Variants in DOCK3 observed in about 807,000 individuals in gnomAD.
The protein encoded by DOCK3 is dedicator of cytokinesis protein 3.
DOCK3 carries 60 observed loss-of-function variants against 265.6 expected under a neutral mutation model. That is an observed-to-expected ratio of 0.23 (90% CI 0.18 to 0.28). The LOEUF (loss-of-function observed/expected upper bound fraction) is 0.28, where lower values mean the gene tolerates loss of function less well. DOCK3 is among the 10% of genes least tolerant of loss of function. DOCK3 has a pLI of 1.00. For missense variants in DOCK3, 1,981 were observed against 2,594.3 expected, an observed-to-expected ratio of 0.76 and a Z score of 5.14; for synonymous variants, 881 against 938.0, an observed-to-expected ratio of 0.94 and a Z score of 1.11.
intron 1 of DOCK3, among the ~76,000 whole-genome samples, chr3:50,714,436 G>A (rs1283229921): frequency 1.3e-5 from 2 of 152,232 alleles, no homozygotes; most frequent in African/African-American, 4.8e-5. Flanking sequence ...GTAACCTGCT[G>A]TTCTTGCAGA....
intron 12 of DOCK3, among the ~76,000 whole-genome samples, chr3:51,180,458 A>G (rs547980096): frequency 6.6e-6 from 1 of 152,278 alleles, no homozygotes; most frequent in African/African-American, 2.4e-5. Context: ...GTAGGGAAGA[A>G]TGTATTGTTT....
chr3:51,163,820 A>G (rs1384317011), intron 12 of DOCK3, among the ~76,000 whole-genome samples: 1 of 152,198 alleles, frequency 6.6e-6, no homozygotes, highest in East Asian at 1.9e-4. Context: ...ATTATAAAAT[A>G]TGTATTACAA....
intron 4 of DOCK3, among the ~76,000 whole-genome samples, chr3:50,901,875 A>G (rs189644681): frequency 6.6e-6 from 1 of 152,262 alleles, no homozygotes; most frequent in East Asian, 1.9e-4. Context: ...CACCTTATGC[A>G]TTGATGTCGC....
intron 2 of DOCK3, chr3:50,787,446 A>G (rs1179252429): frequency 7.1e-6 from 3 of 423,988 alleles, no homozygotes; most frequent in Non-Finnish European, 1.3e-5. Context: ...GAGGCAGGAG[A>G]ATCGCTTGAA....
At chr3:51,191,755 C>T (rs1269177493) in intron 12 of DOCK3, among the ~76,000 whole-genome samples, 2 of 151,888 alleles carry the variant, frequency 1.3e-5, no homozygotes, top group African/African-American at 2.4e-5. Context: ...GTGGAAGAGA[C>T]GTGCTGACAC....
At chr3:51,199,110 C>T (rs1560196341) in intron 12 of DOCK3, among the ~76,000 whole-genome samples, 1 of 152,174 alleles carries the variant, frequency 6.6e-6, no homozygotes, top group Non-Finnish European at 1.5e-5. Flanking sequence ...GCGTCAGCGA[C>T]ACAGAAGACG....
At chr3:51,138,500 C>A (rs2084908616) in intron 9 of DOCK3, among the ~76,000 whole-genome samples, 1 of 152,172 alleles carries the variant, frequency 6.6e-6, no homozygotes, top group South Asian at 2.1e-4. Context: ...ACTGTGAGAA[C>A]TAAACTTAAG....
chr3:51,232,154 A>C (rs563911971), intron 19 of DOCK3, among the ~76,000 whole-genome samples: 176 of 151,734 alleles, frequency 1.2e-3, no homozygotes, highest in Non-Finnish European at 1.8e-3. Flanking sequence ...TTTTATAGTT[A>C]TTGGGATACA....
At chr3:51,017,904 C>A (rs934654203) in intron 5 of DOCK3, among the ~76,000 whole-genome samples, 1 of 151,636 alleles carries the variant, frequency 6.6e-6, no homozygotes, top group African/African-American at 2.4e-5. Context: ...TTTTCTTTTT[C>A]TTTTTTTAGA....
At chr3:50,815,679 A>G (rs1434368746) in intron 2 of DOCK3, among the ~76,000 whole-genome samples, 1 of 151,244 alleles carries the variant, frequency 6.6e-6, no homozygotes, top group East Asian at 1.9e-4. Context: ...CTCATGCTTT[A>G]TTGATAATTT....
intron 3 of DOCK3, among the ~76,000 whole-genome samples, chr3:50,871,690 A>G (rs559289090): frequency 6.6e-6 from 1 of 152,046 alleles, no homozygotes; most frequent in East Asian, 1.9e-4. Context: ...AAAACCTGTC[A>G]TCTTGCTTGT....
intron 14 of DOCK3, among the ~76,000 whole-genome samples, chr3:51,220,738 A>G (rs2090058835): frequency 7.2e-6 from 1 of 138,326 alleles, no homozygotes; most frequent in Non-Finnish European, 1.5e-5. Flanking sequence ...TATATAAAAT[A>G]CTTGAACCCA....
intron 32 of DOCK3, among the ~76,000 whole-genome samples, chr3:51,315,880 AC>A (rs942808017): frequency 6.6e-6 from 1 of 152,132 alleles, no homozygotes; most frequent in African/African-American, 2.4e-5. Flanking sequence ...TGGGAATTGT[AC>A]CAGTTCCCCA....
At chr3:51,247,274 ACTGTGGCCTTAGGAAGAAC>A (rs1436183709) in intron 22 of DOCK3, among the ~76,000 whole-genome samples, 5 of 152,188 alleles carry the variant, frequency 3.3e-5, no homozygotes, top group African/African-American at 9.7e-5. Flanking sequence ...GAATCTTAAA[ACTGTGGCCTTAGGAAGAAC>A]CTGTGGTCTT....
intron 7 of DOCK3, among the ~76,000 whole-genome samples, chr3:51,088,623 A>G (rs1443554292): frequency 6.6e-6 from 1 of 152,204 alleles, no homozygotes; most frequent in East Asian, 1.9e-4. Context: ...TAACTTCTAT[A>G]TCATAGTGAT....
At chr3:51,009,678 CTTT>C (rs1361400652) in intron 5 of DOCK3, among the ~76,000 whole-genome samples, 1 of 152,112 alleles carries the variant, frequency 6.6e-6, no homozygotes, top group Non-Finnish European at 1.5e-5. Context: ...TGTGTTTGCT[CTTT>C]TTTCTCTAGT....
intron 5 of DOCK3, among the ~76,000 whole-genome samples, chr3:50,981,391 G>T (rs905213988): frequency 6.6e-6 from 1 of 152,172 alleles, no homozygotes; most frequent in African/African-American, 2.4e-5. Context: ...CTAGCCTAGA[G>T]AATGTTATAT....
chr3:50,738,882 A>G (rs1188178201), intron 1 of DOCK3, among the ~76,000 whole-genome samples: 2 of 152,034 alleles, frequency 1.3e-5, no homozygotes, highest in African/African-American at 4.8e-5. Context: ...AAACCATCAT[A>G]TTTCATATCT....
At chr3:51,372,534 A>G (rs976521282) in intron 49 of DOCK3, among the ~76,000 whole-genome samples, 1 of 152,192 alleles carries the variant, frequency 6.6e-6, no homozygotes, top group African/African-American at 2.4e-5. Context: ...CCTCACACGG[A>G]TCAGGATATT....
Sources: allele counts gnomAD v4.1 joint callset (sites outside exome capture counted in the v4.1 genomes callset), GRCh38; gene constraint gnomAD v4.1.1; transcripts MANE v1.5; gene names NCBI Gene and HGNC (gene_info 2026-07-23, HGNC 2026-07-21).